Variants in USP10 observed in about 807,000 individuals in gnomAD.
USP10 encodes ubiquitin carboxyl-terminal hydrolase 10.
In USP10, 22 loss-of-function variants were observed where a neutral mutation model predicts 84.5. The ratio of observed to expected loss-of-function variants is 0.26; its 90% confidence interval spans 0.19 to 0.37. The LOEUF is 0.37. Among genes scored for constraint, USP10 ranks in the 10% least tolerant of loss-of-function variants. USP10 has a pLI of 1.00. For synonymous variants in USP10, 454 were observed against 387.6 expected, an observed-to-expected ratio of 1.17 and a Z score of -2.01; for missense variants, 1,019 against 998.9, an observed-to-expected ratio of 1.02 and a Z score of -0.27.
intron 1 of USP10, among the ~76,000 whole-genome samples, chr16:84,719,309 C>T (rs1352210398): frequency 6.6e-6 from 1 of 152,184 alleles, no homozygotes; most frequent in African/African-American, 2.4e-5. Context: ...CTCCTGTTTT[C>T]TGCTTAGTTT....
chr16:84,748,640 A>G (rs1386249767), intron 4 of USP10, among the ~76,000 whole-genome samples: 1 of 152,198 alleles, frequency 6.6e-6, no homozygotes, highest in Non-Finnish European at 1.5e-5. Flanking sequence ...ATTGCTCCAC[A>G]AAGGAAAACC....
intron 3 of USP10, among the ~76,000 whole-genome samples, chr16:84,740,940 A>G (rs1910549160): frequency 6.6e-6 from 1 of 152,224 alleles, no homozygotes; most frequent in Non-Finnish European, 1.5e-5. Context: ...TGTATTGCTT[A>G]AGTACCCAGC....
chr16:84,727,445 G>T (rs1908639918), intron 1 of USP10, among the ~76,000 whole-genome samples: 1 of 150,236 alleles, frequency 6.7e-6, no homozygotes, highest in African/African-American at 2.5e-5. Context: ...ACAATTTTCA[G>T]TGTTAGCTTT....
chr16:84,735,040 C>T (rs909118191), intron 2 of USP10, among the ~76,000 whole-genome samples: 4 of 151,822 alleles, frequency 2.6e-5, no homozygotes, highest in Non-Finnish European at 5.9e-5. Context: ...CTTTTCTTTT[C>T]TTTTTTTCGA....
chr16:84,748,308 T>A (rs1319648110), intron 4 of USP10, among the ~76,000 whole-genome samples: 4 of 152,016 alleles, frequency 2.6e-5, no homozygotes, highest in Admixed American at 6.6e-5. Flanking sequence ...TTTTATTTTC[T>A]TTTCTTTATT....
chr16:84,704,057 C>T (rs1905197603), intron 1 of USP10, among the ~76,000 whole-genome samples: 1 of 152,174 alleles, frequency 6.6e-6, no homozygotes, highest in Non-Finnish European at 1.5e-5. Context: ...CAAGCCTAAG[C>T]GGCACGTTGC....
intron 13 of USP10, among the ~76,000 whole-genome samples, chr16:84,777,581 C>A (rs962685554): frequency 1.3e-5 from 2 of 152,186 alleles, no homozygotes; most frequent in African/African-American, 4.8e-5. Context: ...GTCTTGCTGT[C>A]CCTATGCTGT....
intron 4 of USP10, among the ~76,000 whole-genome samples, chr16:84,751,106 T>C (rs1004451251): frequency 6.6e-6 from 1 of 152,238 alleles, no homozygotes; most frequent in African/African-American, 2.4e-5. Flanking sequence ...ATAATGGAGC[T>C]AAACAATTTC....
intron 8 of USP10, among the ~76,000 whole-genome samples, chr16:84,762,361 A>G (rs1222646854): frequency 6.6e-6 from 1 of 152,190 alleles, no homozygotes; most frequent in Non-Finnish European, 1.5e-5. Context: ...TTGTTTACCC[A>G]AGACAGAAAC....
At chr16:84,706,097 G>T (rs1905464130) in intron 1 of USP10, among the ~76,000 whole-genome samples, 1 of 152,102 alleles carries the variant, frequency 6.6e-6, no homozygotes, top group Admixed American at 6.5e-5. Context: ...TCCCAGGCTG[G>T]TCTTGAACTC....
At chr16:84,702,901 G>A (rs1267924716) in intron 1 of USP10, among the ~76,000 whole-genome samples, 1 of 147,538 alleles carries the variant, frequency 6.8e-6, no homozygotes, top group Non-Finnish European at 1.5e-5. Context: ...GCTGAGGCAG[G>A]AGAATCGCTT....
At chr16:84,757,896 TTTGTCAA>T (rs1912774238) in intron 4 of USP10, among the ~76,000 whole-genome samples, 1 of 152,196 alleles carries the variant, frequency 6.6e-6, no homozygotes. Context: ...CCAATTAACA[TTTGTCAA>T]TTGTAAAGAA....
At chr16:84,725,860 T>C (rs1337709499) in intron 1 of USP10, among the ~76,000 whole-genome samples, 1 of 152,232 alleles carries the variant, frequency 6.6e-6, no homozygotes, top group Non-Finnish European at 1.5e-5. Flanking sequence ...TCTATTGCTC[T>C]TTTCATGTTT....
At chr16:84,767,448 C>T (rs1567647375) in intron 10 of USP10, among the ~76,000 whole-genome samples, 1 of 152,142 alleles carries the variant, frequency 6.6e-6, no homozygotes, top group Admixed American at 6.5e-5. Context: ...TTTTATTCTA[C>T]ACACCCTACT....
intron 1 of USP10, chr16:84,709,194 A>T (rs1905947657): frequency 6.6e-6 from 1 of 152,236 alleles, no homozygotes; most frequent in Non-Finnish European, 1.5e-5. Flanking sequence ...AGATAATCAC[A>T]GTTACGTACA....
chr16:84,737,010 G>A (rs1484520903), intron 2 of USP10, among the ~76,000 whole-genome samples: 2 of 152,152 alleles, frequency 1.3e-5, no homozygotes, highest in African/African-American at 4.8e-5. Context: ...GGATGGTCTT[G>A]ATCTCCTGAC....
At chr16:84,721,029 G>A (rs983338022) in intron 1 of USP10, among the ~76,000 whole-genome samples, 9 of 151,936 alleles carry the variant, frequency 5.9e-5, no homozygotes, top group African/African-American at 1.9e-4. Flanking sequence ...GAGTAGCCGG[G>A]AGTACAGGTG....
intron 4 of USP10, among the ~76,000 whole-genome samples, chr16:84,753,931 T>G (rs1179083029): frequency 1.3e-5 from 2 of 152,090 alleles, no homozygotes; most frequent in Admixed American, 1.3e-4. Flanking sequence ...GGAGAAGTGA[T>G]CATTGGCAGA....
chr16:84,705,037 C>T (rs1409309329), intron 1 of USP10, among the ~76,000 whole-genome samples: 2 of 152,202 alleles, frequency 1.3e-5, no homozygotes, highest in African/African-American at 2.4e-5. Context: ...GTCTCCTCCC[C>T]GTTGGGCTTG....
Sources: gnomAD v4.1 joint callset for allele counts (sites outside exome capture counted in the v4.1 genomes callset) on GRCh38, gnomAD v4.1.1 for gene constraint, MANE v1.5 for transcripts, NCBI Gene and HGNC (gene_info 2026-07-23, HGNC 2026-07-21) for gene names.